Variants in PNKD observed in about 807,000 individuals in gnomAD.
The protein encoded by PNKD is PNKD metallo-beta-lactamase domain containing, also known as probable thioesterase PNKD.
In PNKD, 36 loss-of-function variants were observed where a neutral mutation model predicts 45.3. The ratio of observed to expected loss-of-function variants is 0.80; its 90% CI spans 0.61 to 1.05. The LOEUF is 1.05. Ranked by LOEUF, PNKD falls within the 50% of genes least tolerant of loss-of-function variation. The pLI, the probability that PNKD is intolerant of heterozygous loss-of-function variation, is 0.00. For missense variants in PNKD, 511 were observed against 506.6 expected, an observed-to-expected ratio of 1.01 and a Z score of -0.08; for synonymous variants, 197 against 210.1, an observed-to-expected ratio of 0.94 and a Z score of 0.54.
chr2:218,270,525 G>T lies in PNKD; in HGVS notation c.-11G>T, dbSNP rs1423285165. ...GCGGGGAGCGCGGTGAAGCGGGGGTGGGATCTGAACATGGCGGCGGTGGTA... is the reference window on the plus strand; with the variant it reads ...GCGGGGAGCGCGGTGAAGCGGGGGTTGGATCTGAACATGGCGGCGGTGGTA... On this transcript the variant is annotated 5_prime_UTR_variant, in exon 1 of 10. Coordinates refer to ENST00000273077, the MANE Select transcript of PNKD (RefSeq NM_015488.5). The T allele has an allele frequency of 8.1e-7, 1 of 1,227,970 alleles. No individual in the cohort carries two copies. The highest frequency in any genetic ancestry group is 3.0e-5 in the East Asian group (1 of 33,634). 76.1% of individuals were successfully genotyped at this position (1,227,970 alleles called of 1,614,324 possible).
At chr2:218,323,050 G>GGT in intron 2 of PNKD, 2 of 668,828 alleles carry the variant, frequency 3.0e-6, no homozygotes, top group Non-Finnish European at 2.1e-6. Flanking sequence ...CCGCCAGCCG[G>GGT]GCGGAGCCAG....
At chr2:218,279,478 G>A (rs1173826690) in intron 2 of PNKD, 19 of 775,104 alleles carry the variant, frequency 2.5e-5, no homozygotes, top group South Asian at 8.6e-5. Context: ...GCCCAGAGGC[G>A]ACCCCAGTGA....
At chr2:218,302,567 G>C (rs989656439) in intron 2 of PNKD, among the ~76,000 whole-genome samples, 4 of 152,236 alleles carry the variant, frequency 2.6e-5, no homozygotes, top group African/African-American at 4.8e-5. Context: ...GGTGTGGCTG[G>C]AGAGTGGTGG....
intron 2 of PNKD, among the ~76,000 whole-genome samples, chr2:218,294,028 T>G (rs1245471615): frequency 6.6e-6 from 1 of 152,006 alleles, no homozygotes; most frequent in Non-Finnish European, 1.5e-5. Flanking sequence ...TAGGAGTTAC[T>G]TAGGGGGACT....
chr2:218,279,391 A>G (rs781713844), intron 2 of PNKD: 3 of 1,511,640 alleles, frequency 2.0e-6, no homozygotes, highest in Non-Finnish European at 2.7e-6. Context: ...ACCATCCGGC[A>G]CCCCTGGCCT....
At chr2:218,319,174 C>T (rs529280779) in intron 2 of PNKD, among the ~76,000 whole-genome samples, 3 of 151,276 alleles carry the variant, frequency 2.0e-5, no homozygotes, top group African/African-American at 4.8e-5. Flanking sequence ...AGGCTGGTCT[C>T]GAACTCCTGA....
intron 2 of PNKD, chr2:218,276,217 TC>T: frequency 1.1e-6 from 1 of 880,728 alleles, no homozygotes; most frequent in Non-Finnish European, 1.8e-6. Context: ...CTACTGCCTT[TC>T]CAGATCTTGG....
intron 2 of PNKD, among the ~76,000 whole-genome samples, chr2:218,273,766 G>C (rs980456378): frequency 6.6e-6 from 1 of 151,716 alleles, no homozygotes; most frequent in African/African-American, 2.4e-5. Flanking sequence ...CCAAAGTGCT[G>C]GAGTTACAGG....
intron 2 of PNKD, among the ~76,000 whole-genome samples, chr2:218,294,960 A>G (rs1013962983): frequency 2.0e-5 from 3 of 152,172 alleles, no homozygotes; most frequent in Admixed American, 6.5e-5. Flanking sequence ...AACACCCTCC[A>G]CTTTCTAGAA....
At position 218,342,152 on chromosome 2, in the gene PNKD, TC is replaced by T. The variant is rs1237551479; in HGVS notation, c.781+12del. On this transcript the variant is annotated intron_variant, in intron 7 of 9. Coordinates refer to ENST00000273077, the MANE Select transcript of PNKD (RefSeq NM_015488.5). ...TCTTCCTCTCTGGCTGTGGTGAGTTTCCCCGAAAGAGAGAGGAGCTGGGAGA... is the reference window on the plus strand; with the variant it reads ...TCTTCCTCTCTGGCTGTGGTGAGTTTCCCGAAAGAGAGAGGAGCTGGGAGA... The T allele has an allele frequency of 1.9e-6, 3 of 1,611,424 alleles. No individual in the cohort carries two copies. Among genetic ancestry groups the T allele is most frequent in the Non-Finnish European group, 2.5e-6 (3 of 1,179,554 alleles).
At chr2:218,276,711 G>A (rs747033738) in intron 2 of PNKD, among the ~76,000 whole-genome samples, 37 of 152,270 alleles carry the variant, frequency 2.4e-4, no homozygotes, top group Middle Eastern at 6.8e-3. Flanking sequence ...GTCTGCCTCC[G>A]AGAACCTGAT....
intron 2 of PNKD, chr2:218,274,261 G>C (rs1361396343): frequency 6.5e-6 from 1 of 154,904 alleles, no homozygotes; most frequent in Non-Finnish European, 1.5e-5. Context: ...ATATAGTTAG[G>C]ATTTCTCTAT....
rs746456607 is a variant in PNKD at position 218,340,129 on chromosome 2, T to G, written c.453T>G (p.Pro151=). ...CTGTGGCTGTGGACCCTTCAGACCC[T>G]CGGGCTGTGCAGGTGAGGGGAGGGC... ...QLAVAVDPSD[P]RAVQASIEKE... is the part of the protein sequence containing the mutation. The change falls in exon 4 of 10, where the codon CCT becomes CCG. Residue 151 remains proline (P), a synonymous_variant. Transcript: ENST00000273077. This position sits in a 1 kb window ranked among gnomAD's most constrained non-coding sequence, Gnocchi z 4.2. 1.2e-6 allele frequency: 2 copies of G among 1,609,886 alleles called. No individual in the cohort carries two copies. Among genetic ancestry groups the G allele is most frequent in the Non-Finnish European group, 1.7e-6 (2 of 1,176,912 alleles).
intron 1 of PNKD, chr2:218,270,908 T>C (rs1448603084): frequency 2.7e-6 from 1 of 365,782 alleles, no homozygotes; most frequent in African/African-American, 2.1e-5. Flanking sequence ...TTCTGGAGGT[T>C]TGAGTTCCAG....
chr2:218,332,077 A>G (rs79007041), intron 2 of PNKD, among the ~76,000 whole-genome samples: 6,495 of 152,274 alleles, frequency 0.043, 173 homozygotes, highest in African/African-American at 0.068. Flanking sequence ...GAAGTTGGAC[A>G]TTTGCTAATA....
intron 2 of PNKD, among the ~76,000 whole-genome samples, chr2:218,301,274 G>T (rs1307774302): frequency 2.6e-5 from 4 of 152,160 alleles, no homozygotes; most frequent in Non-Finnish European, 4.4e-5. Context: ...TATAGCGCTG[G>T]TCATTGACTT....
intron 2 of PNKD, among the ~76,000 whole-genome samples, chr2:218,302,434 C>T (rs1289170022): frequency 2.6e-5 from 4 of 152,010 alleles, no homozygotes; most frequent in African/African-American, 4.8e-5. Context: ...GGGGATGGGC[C>T]GTGGGGGGTG....
At chr2:218,297,245 C>T (rs1693160847) in intron 2 of PNKD, among the ~76,000 whole-genome samples, 1 of 152,204 alleles carries the variant, frequency 6.6e-6, no homozygotes, top group African/African-American at 2.4e-5. Flanking sequence ...TAAAATTGGC[C>T]TTATTATTCA....
At chr2:218,339,688 A>G in intron 2 of PNKD, 95 bp from the exon 3 acceptor site, 1 of 770,842 alleles carries the variant, frequency 1.3e-6, no homozygotes, top group Non-Finnish European at 2.3e-6. Flanking sequence ...CAGGGTCACC[A>G]AAGGAATGGA....
Sources: allele counts gnomAD v4.1 joint callset (sites outside exome capture counted in the v4.1 genomes callset), GRCh38; gene constraint gnomAD v4.1.1; non-coding constraint Gnocchi (gnomAD v3.1); transcripts MANE v1.5; gene names NCBI Gene and HGNC (gene_info 2026-07-23, HGNC 2026-07-21).